SNX27: variants seen among roughly 807,000 people sequenced by gnomAD.
SNX27 encodes the protein sorting nexin 27, also known as sorting nexin-27.
SNX27 carries 22 observed loss-of-function variants against 71.6 expected under a neutral mutation model. That is an observed-to-expected ratio of 0.31 (90% CI 0.22 to 0.44). SNX27 has a LOEUF of 0.44. SNX27 is among the 20% of genes least tolerant of loss of function. SNX27 has a pLI of 1.00. For synonymous variants in SNX27, 269 were observed against 277.2 expected (o/e 0.97, Z 0.29); for missense variants, 531 against 698.6 (o/e 0.76, Z 2.70).
intron 1 of SNX27, among the ~76,000 whole-genome samples, chr1:151,633,157 C>T (rs1571781778): frequency 6.6e-6 from 1 of 152,000 alleles, no homozygotes; most frequent in Non-Finnish European, 1.5e-5. Flanking sequence ...CAGGCTTGAG[C>T]CACCGCGCTC....
intron 11 of SNX27, chr1:151,693,730 C>T: frequency 1.3e-6 from 2 of 1,589,322 alleles, no homozygotes; most frequent in Non-Finnish European, 1.7e-6. Flanking sequence ...GCTACAGGCT[C>T]TTCCATCTCT....
intron 7 of SNX27, among the ~76,000 whole-genome samples, chr1:151,674,636 AG>A (rs1399871451): frequency 6.6e-6 from 1 of 151,620 alleles, no homozygotes; most frequent in Non-Finnish European, 1.5e-5. Context: ...GGCATTGAAG[AG>A]GGCAGTCATC....
At chr1:151,613,369 GCCT>G (rs1283285427) in intron 1 of SNX27, 2 of 152,422 alleles carry the variant, frequency 1.3e-5, no homozygotes, top group African/African-American at 4.8e-5. Context: ...CTATACTCAT[GCCT>G]CCTCCTAGTC....
At chr1:151,661,305 TAATA>T (rs1032189214) in intron 4 of SNX27, 3 of 162,048 alleles carry the variant, frequency 1.9e-5, no homozygotes, top group African/African-American at 4.8e-5. Flanking sequence ...TGTAGGTGCT[TAATA>T]AATATTAATT....
intron 1 of SNX27, among the ~76,000 whole-genome samples, chr1:151,623,884 T>G (rs1339863301): frequency 6.6e-6 from 1 of 152,214 alleles, no homozygotes; most frequent in Non-Finnish European, 1.5e-5. Flanking sequence ...GCATCAGAAC[T>G]TACTTTAAGA....
chr1:151,693,088 T>A, intron 10 of SNX27, 49 bp downstream of exon 10: 1 of 1,592,666 alleles, frequency 6.3e-7, no homozygotes, highest in Non-Finnish European at 8.5e-7. Context: ...GTTTTTTTGT[T>A]TTTTTTTTCA....
Position 151,662,285 on chromosome 1 carries a change from C to T in SNX27, c.906+15C>T. ...AAGTATATCAGGTAAATTAAATGAA[C>T]ACGTAGACTTGACATTGGATGGTGT... On this transcript the variant is annotated intron_variant, in intron 5 of 11. Coordinates refer to ENST00000458013, the MANE Select transcript of SNX27 (RefSeq NM_001330723.2). The T allele has an allele frequency of 6.6e-7, 1 of 1,524,530 alleles. No homozygotes were observed. The highest frequency in any genetic ancestry group is 9.1e-7 in the Non-Finnish European group (1 of 1,099,890). 94.4% of individuals were successfully genotyped at this position (1,524,530 alleles called of 1,614,324 possible). A position where few individuals can be genotyped will look rare whatever the true frequency, so the allele number is the denominator to read the frequency against.
intron 1 of SNX27, among the ~76,000 whole-genome samples, chr1:151,619,050 A>G (rs191270859): frequency 6.6e-5 from 10 of 152,110 alleles, no homozygotes; most frequent in African/African-American, 1.4e-4. Context: ...CACAAAAATT[A>G]TGTTTACTGG....
chr1:151,642,034 T>G (rs1668799123), intron 2 of SNX27, among the ~76,000 whole-genome samples: 1 of 148,056 alleles, frequency 6.8e-6, no homozygotes. Context: ...GAGATATATA[T>G]ATATCAGATA....
intron 1 of SNX27, among the ~76,000 whole-genome samples, chr1:151,626,919 C>G (rs2102609611): frequency 6.6e-6 from 1 of 152,186 alleles, no homozygotes; most frequent in East Asian, 1.9e-4. Flanking sequence ...GTGCTCCAGG[C>G]TCATCTTGTA....
chr1:151,675,759 G>GTCTTTCT (rs1670657595), intron 7 of SNX27: 1 of 114,432 alleles, frequency 8.7e-6, no homozygotes, highest in Non-Finnish European at 1.8e-5. Flanking sequence ...TTTGGTGTCT[G>GTCTTTCT]TCTTTCTTTC....
intron 4 of SNX27, among the ~76,000 whole-genome samples, chr1:151,661,701 A>AT (rs1448312789): frequency 6.6e-6 from 1 of 152,172 alleles, no homozygotes; most frequent in Non-Finnish European, 1.5e-5. Context: ...TCAGGTATCC[A>AT]TTTTTTCTTT....
At chr1:151,648,957 C>A (rs1454268639) in intron 2 of SNX27, among the ~76,000 whole-genome samples, 1 of 151,184 alleles carries the variant, frequency 6.6e-6, no homozygotes. Context: ...TTTTCTTTTT[C>A]TTTTTATTTA....
chr1:151,686,728 A>G (rs1671203780), intron 8 of SNX27, among the ~76,000 whole-genome samples: 1 of 152,280 alleles, frequency 6.6e-6, no homozygotes, highest in African/African-American at 2.4e-5. Context: ...CCCTGATGCC[A>G]TTAACCATAG....
At chr1:151,618,258 A>G (rs77164252) in intron 1 of SNX27, among the ~76,000 whole-genome samples, 4,745 of 152,080 alleles carry the variant, frequency 0.031, 284 homozygotes, top group African/African-American at 0.11. Context: ...TTTACTCACT[A>G]TTACCCATTG....
At chr1:151,645,229 G>A (rs1668981232) in intron 2 of SNX27, among the ~76,000 whole-genome samples, 1 of 152,152 alleles carries the variant, frequency 6.6e-6, no homozygotes, top group South Asian at 2.1e-4. Context: ...ACTATGTGTG[G>A]TTCTATTTCT....
chr1:151,651,141 C>G (rs1318569838), intron 2 of SNX27, among the ~76,000 whole-genome samples: 3 of 151,974 alleles, frequency 2.0e-5, no homozygotes, highest in Non-Finnish European at 4.4e-5. Context: ...GGGGTGGTGG[C>G]CGGGCAGAGG....
At chr1:151,635,791 T>C (rs1668434291) in intron 1 of SNX27, among the ~76,000 whole-genome samples, 1 of 152,200 alleles carries the variant, frequency 6.6e-6, no homozygotes, top group Non-Finnish European at 1.5e-5. Context: ...CTGTCTTTTT[T>C]TAAAAGAGGT....
At chr1:151,691,467 T>G (rs1671443630) in intron 8 of SNX27, among the ~76,000 whole-genome samples, 1 of 134,926 alleles carries the variant, frequency 7.4e-6, no homozygotes, top group African/African-American at 2.8e-5. Context: ...GTTTTTCTGG[T>G]TTTTTTTTTT....
Sources: allele counts gnomAD v4.1 joint callset (sites outside exome capture counted in the v4.1 genomes callset), GRCh38; gene constraint gnomAD v4.1.1; transcripts MANE v1.5; gene names NCBI Gene and HGNC (gene_info 2026-07-23, HGNC 2026-07-21).